The following ENTREP2 variants were observed in gnomAD, a reference collection of about 807,000 sequenced individuals.
ENTREP2 encodes the protein protein ENTREP2.
chr15:29,152,055 C>T, the ENTREP2 span, among the ~76,000 whole-genome samples: 1 of 152,186 alleles, frequency 6.6e-6, no homozygotes, highest in Non-Finnish European at 1.5e-5. Context: ...GCAAAGTATT[C>T]ATAATACTCA....
At chr15:29,400,118 A>G in the ENTREP2 span, among the ~76,000 whole-genome samples, 1 of 152,182 alleles carries the variant, frequency 6.6e-6, no homozygotes, top group African/African-American at 2.4e-5. Flanking sequence ...AGTATGTGTG[A>G]CTCTTGTGCC....
chr15:29,338,157 GA>G, the ENTREP2 span, among the ~76,000 whole-genome samples: 1 of 152,068 alleles, frequency 6.6e-6, no homozygotes, highest in East Asian at 1.9e-4. Flanking sequence ...GGGCACTTTT[GA>G]GTGTGGGCAA....
At chr15:29,617,940 TG>T in the ENTREP2 span, among the ~76,000 whole-genome samples, 1 of 152,182 alleles carries the variant, frequency 6.6e-6, no homozygotes, top group Non-Finnish European at 1.5e-5. Context: ...CTCATCCTCT[TG>T]GTCTCATGTC....
the ENTREP2 span, among the ~76,000 whole-genome samples, chr15:29,378,805 ATATC>A: frequency 6.6e-6 from 1 of 152,212 alleles, no homozygotes; most frequent in Non-Finnish European, 1.5e-5. Flanking sequence ...ATGCGTGTGT[ATATC>A]TATCTATATC....
At chr15:29,222,877 G>C in the ENTREP2 span, among the ~76,000 whole-genome samples, 1 of 152,160 alleles carries the variant, frequency 6.6e-6, no homozygotes, top group Non-Finnish European at 1.5e-5. Context: ...ACGTTTTTAT[G>C]AGTTTAAGTT....
chr15:29,533,931 T>G, the ENTREP2 span, among the ~76,000 whole-genome samples: 4 of 151,692 alleles, frequency 2.6e-5, no homozygotes, highest in Non-Finnish European at 5.9e-5. Context: ...TTTACATCTA[T>G]TCCATTGTGA....
At chr15:29,533,570 T>C in the ENTREP2 span, among the ~76,000 whole-genome samples, 1 of 152,124 alleles carries the variant, frequency 6.6e-6, no homozygotes, top group Admixed American at 6.6e-5. Context: ...GAGTCTTAAG[T>C]GGTATATGCA....
At chr15:29,398,741 A>G in the ENTREP2 span, among the ~76,000 whole-genome samples, 114 of 152,258 alleles carry the variant, frequency 7.5e-4, no homozygotes, top group African/African-American at 2.6e-3. Flanking sequence ...AAATAAAATA[A>G]AACAAAATGA....
the ENTREP2 span, among the ~76,000 whole-genome samples, chr15:29,118,758 C>T: frequency 2.5e-4 from 38 of 152,162 alleles, no homozygotes; most frequent in African/African-American, 8.2e-4. Flanking sequence ...ACCTGTGGGT[C>T]CTTTGCAGCC....
At chr15:29,588,770 G>A in the ENTREP2 span, among the ~76,000 whole-genome samples, 8 of 152,062 alleles carry the variant, frequency 5.3e-5, no homozygotes, top group East Asian at 9.6e-4. Context: ...GGCTGAGGCA[G>A]GCAGATCACT....
At chr15:29,584,997 G>GGATAGACAGATAGATAGATA in the ENTREP2 span, among the ~76,000 whole-genome samples, 1 of 150,592 alleles carries the variant, frequency 6.6e-6, no homozygotes, top group African/African-American at 2.4e-5. Context: ...AAAGATCGAT[G>GGATAGACAGATAGATAGATA]GATAGATAGA....
the ENTREP2 span, among the ~76,000 whole-genome samples, chr15:29,487,122 T>A: frequency 6.6e-6 from 1 of 152,352 alleles, no homozygotes; most frequent in East Asian, 1.9e-4. Context: ...TATACACATA[T>A]TGAAATATCA....
the ENTREP2 span, among the ~76,000 whole-genome samples, chr15:29,555,816 G>C: frequency 6.6e-6 from 1 of 152,192 alleles, no homozygotes; most frequent in Non-Finnish European, 1.5e-5. Context: ...GGTCCCCCAT[G>C]ACCTGGGGGT....
the ENTREP2 span, among the ~76,000 whole-genome samples, chr15:29,617,936 C>T: frequency 3.3e-5 from 5 of 152,304 alleles, no homozygotes; most frequent in Middle Eastern, 6.8e-3. Flanking sequence ...TTTCCTCATC[C>T]TCTTGGTCTC....
chr15:29,561,713 A>T, the ENTREP2 span, among the ~76,000 whole-genome samples: 13 of 80,050 alleles, frequency 1.6e-4, no homozygotes, highest in Admixed American at 9.5e-4. Flanking sequence ...ATAATAATAA[A>T]ATAAATAAAT....
chr15:29,249,086 A>G, the ENTREP2 span, among the ~76,000 whole-genome samples: 1 of 152,152 alleles, frequency 6.6e-6, no homozygotes. Context: ...AGGCAGGCGG[A>G]TCACCTGAGG....
the ENTREP2 span, among the ~76,000 whole-genome samples, chr15:29,489,380 G>T: frequency 6.6e-6 from 1 of 152,180 alleles, no homozygotes; most frequent in Non-Finnish European, 1.5e-5. Flanking sequence ...AAGGACATGA[G>T]TTACCTGCCA....
the ENTREP2 span, among the ~76,000 whole-genome samples, chr15:29,622,126 A>T: frequency 6.6e-6 from 1 of 152,108 alleles, no homozygotes; most frequent in African/African-American, 2.4e-5. Flanking sequence ...GAGATAGATG[A>T]TGGGGATGGC....
At chr15:29,173,944 C>CAAAAAAAAAAAAAAAAA in the ENTREP2 span, among the ~76,000 whole-genome samples, 1 of 78,690 alleles carries the variant, frequency 1.3e-5, no homozygotes, top group African/African-American at 3.8e-5. Context: ...TCTGGATAGC[C>CAAAAAAAAAAAAAAAAA]AAAAAAAAAA....
Sources: allele counts gnomAD v4.1 joint callset (sites outside exome capture counted in the v4.1 genomes callset), GRCh38; gene constraint gnomAD v4.1.1; transcripts MANE v1.5; gene names NCBI Gene and HGNC (gene_info 2026-07-23, HGNC 2026-07-21).